TRAP1: variants seen among roughly 807,000 people sequenced by gnomAD.
TRAP1 encodes TNF receptor associated protein 1.
TRAP1 carries 102 observed loss-of-function variants against 89.1 expected under a neutral mutation model. That is an observed-to-expected ratio of 1.15 (90% CI 0.98 to 1.35). TRAP1 has a LOEUF of 1.35. Among genes scored for constraint, TRAP1 ranks in the 40% most tolerant of loss-of-function variants. TRAP1 has a pLI of 0.00. For synonymous variants in TRAP1, 508 were observed against 388.0 expected (o/e 1.31, Z -3.64); for missense variants, 1,256 against 945.3 (o/e 1.33, Z -4.31).
In TRAP1 at chr16:3,658,102, G is replaced by GTGTC. The variant is rs769947438; in HGVS notation, c.*23_*26dup. 6 of 1,611,076 alleles carry GTGTC rather than the reference G, an allele frequency of 3.7e-6. No individual in the cohort carries two copies. The highest frequency in any genetic ancestry group is 1.7e-4 in the Middle Eastern group (1 of 6,056). On this transcript the variant is annotated 3_prime_UTR_variant, in exon 18 of 18. Transcript: ENST00000246957. Reference sequence around the variant, plus strand: ...CAAGGAGGTGGGGCTGTCATCTGTGGTGTCAGTCCTTCTGGCCCCCTGGCT... The same window carrying GTGTC: ...CAAGGAGGTGGGGCTGTCATCTGTGGTGTCTGTCAGTCCTTCTGGCCCCCTGGCT...
intron 1 of TRAP1, among the ~76,000 whole-genome samples, chr16:3,693,697 G>C (rs369064815): frequency 6.6e-6 from 1 of 152,116 alleles, no homozygotes; most frequent in East Asian, 1.9e-4. Context: ...GTTTCAAAAA[G>C]GTCCACAGTT....
At chr16:3,699,099 T>C (rs2051330141) in intron 1 of TRAP1, among the ~76,000 whole-genome samples, 1 of 152,068 alleles carries the variant, frequency 6.6e-6, no homozygotes, top group Non-Finnish European at 1.5e-5. Flanking sequence ...ACTGATAGTT[T>C]GAATGTGACA....
At chr16:3,710,857 G>GTATA (rs377592883) in intron 1 of TRAP1, among the ~76,000 whole-genome samples, 45 of 135,656 alleles carry the variant, frequency 3.3e-4, no homozygotes, top group East Asian at 8.7e-4. Context: ...ATGTGTGTGT[G>GTATA]TATATATATA....
chr16:3,674,477 G>A lies in TRAP1; in HGVS notation c.906C>T (p.Asp302=), dbSNP rs1294365398. Residue 302 remains aspartate (D), a synonymous_variant, in exon 9 of 18, where the codon GAC becomes GAT. Transcript: ENST00000246957. ...GTTGCCACTCACGGACATCCTTGGG[G>A]TCCATCATCCAGATGGCCTGGAAAC... ...MNTLQAIWMM[D]PKDVREWQHE... 1 of 1,613,974 alleles carries A rather than the reference G, an allele frequency of 6.2e-7. No homozygotes were observed. The highest frequency in any genetic ancestry group is 8.5e-7 in the Non-Finnish European group (1 of 1,180,008).
chr16:3,716,550 A>T (rs1267440295), intron 1 of TRAP1, among the ~76,000 whole-genome samples: 1 of 152,240 alleles, frequency 6.6e-6, no homozygotes, highest in African/African-American at 2.4e-5. Flanking sequence ...CTGACATGAA[A>T]AGATGTGGAA....
chr16:3,690,888 C>G lies in TRAP1; in HGVS notation c.186G>C (p.Gln62His). ...SLQAGRLFST[Q>H]TAEDKEEPLH... Reference sequence around the variant, plus strand: ...GGGGTTCCTCCTTGTCCTCGGCGGTCTGCGTGCTGAACAGTCGTCCTGCCT... The same window carrying G: ...GGGGTTCCTCCTTGTCCTCGGCGGTGTGCGTGCTGAACAGTCGTCCTGCCT... The change falls in exon 2 of 18, where the codon CAG becomes CAC. Residue 62 changes from glutamine to histidine, a missense_variant. Physicochemically the swap from Gln to His is conservative, Grantham distance 24 (BLOSUM62 0). Coordinates refer to ENST00000246957, the MANE Select transcript of TRAP1 (RefSeq NM_016292.3). The G allele has an allele frequency of 1.3e-6, 2 of 1,590,240 alleles. No individual in the cohort carries two copies. Among genetic ancestry groups the G allele is most frequent in the Middle Eastern group, 1.7e-4 (1 of 5,990 alleles).
In TRAP1 at chr16:3,679,794, A is replaced by G. The variant is rs1287899205; in HGVS notation, c.472-4T>C. The G allele has an allele frequency of 6.2e-7, 1 of 1,614,008 alleles. No homozygotes were observed. The highest frequency in any genetic ancestry group is 8.5e-7 in the Non-Finnish European group (1 of 1,179,990). ...GTGTCATCCCGATACCAGTATCCTG[A>G]GGAGAGAGACGCACTAAGTGCCAAG... is the stretch of plus-strand genomic sequence containing the variant. On this transcript the variant is annotated splice_polypyrimidine_tract_variant and splice_region_variant and intron_variant, in intron 4 of 17. Transcript: ENST00000246957.
At chr16:3,705,910 C>T (rs2051437253) in intron 1 of TRAP1, among the ~76,000 whole-genome samples, 1 of 151,656 alleles carries the variant, frequency 6.6e-6, no homozygotes, top group African/African-American at 2.4e-5. Context: ...TCAGGCTGGT[C>T]TCAAACTCCT....
intron 1 of TRAP1, among the ~76,000 whole-genome samples, chr16:3,707,762 G>A (rs917254191): frequency 2.6e-5 from 4 of 151,356 alleles, no homozygotes; most frequent in Admixed American, 1.3e-4. Flanking sequence ...GCTGAGGCAG[G>A]AGACTTGCTT....
chr16:3,665,733 C>T (rs1209961885), intron 12 of TRAP1, among the ~76,000 whole-genome samples: 4 of 152,226 alleles, frequency 2.6e-5, no homozygotes, highest in Non-Finnish European at 5.9e-5. Flanking sequence ...CTTCACACAG[C>T]AGTGAGGCTG....
At chr16:3,707,013 C>T (rs1425565697) in intron 1 of TRAP1, among the ~76,000 whole-genome samples, 1 of 151,982 alleles carries the variant, frequency 6.6e-6, no homozygotes, top group Non-Finnish European at 1.5e-5. Flanking sequence ...TCTGATTTTT[C>T]CACATCCTAG....
rs2050779027 is a variant in TRAP1, at chr16:3,664,445, C to T, written c.1398G>A (p.Lys466=). 1 of 1,611,110 alleles carries T rather than the reference C, an allele frequency of 6.2e-7. No individual in the cohort carries two copies. Among genetic ancestry groups the T allele is most frequent in the Non-Finnish European group, 8.5e-7 (1 of 1,178,946 alleles). The change falls in exon 13 of 18, where the codon AAG becomes AAA. Residue 466 remains lysine (K), a synonymous_variant. Transcript: ENST00000246957. ...GCGCCGAGGACTCGTAGCGCAGCAG[C>T]TTTGCTATGTCCTCCTAGAAGGGAC... ...TEQEVKEDIA[K]LLRYESSALP...
At chr16:3,661,963 G>A in intron 16 of TRAP1, 24 bp downstream of exon 16, 1 of 1,574,884 alleles carries the variant, frequency 6.3e-7, no homozygotes, top group Non-Finnish European at 8.6e-7. Context: ...CCACAGGCTG[G>A]AAGAGCCAGG....
At chr16:3,700,610 T>G (rs2051352587) in intron 1 of TRAP1, among the ~76,000 whole-genome samples, 1 of 152,044 alleles carries the variant, frequency 6.6e-6, no homozygotes, top group African/African-American at 2.4e-5. Context: ...GGACTACAGA[T>G]GCACATCACC....
At chr16:3,691,781 T>TA (rs1219577689) in intron 1 of TRAP1, among the ~76,000 whole-genome samples, 6 of 152,124 alleles carry the variant, frequency 3.9e-5, no homozygotes, top group Admixed American at 6.6e-5. Context: ...ACAGATTTTT[T>TA]AAAAAAAATT....
At chr16:3,693,996 G>A (rs1428652716) in intron 1 of TRAP1, among the ~76,000 whole-genome samples, 2 of 67,894 alleles carry the variant, frequency 2.9e-5, no homozygotes, top group African/African-American at 9.8e-5. Flanking sequence ...GCGAGACTCT[G>A]TCTCAAAAAA....
intron 4 of TRAP1, among the ~76,000 whole-genome samples, chr16:3,684,074 G>A (rs888153068): frequency 1.3e-5 from 2 of 152,070 alleles, no homozygotes; most frequent in African/African-American, 4.8e-5. Flanking sequence ...GCTGAGGCAG[G>A]AGAATCACTT....
chr16:3,706,804 G>C (rs1041326917), intron 1 of TRAP1, among the ~76,000 whole-genome samples: 1 of 152,034 alleles, frequency 6.6e-6, no homozygotes, highest in Non-Finnish European at 1.5e-5. Flanking sequence ...TTTCATTTTC[G>C]GGTTATTATG....
intron 1 of TRAP1, among the ~76,000 whole-genome samples, chr16:3,705,291 G>T (rs766155183): frequency 3.9e-5 from 6 of 151,988 alleles, no homozygotes; most frequent in African/African-American, 1.2e-4. Context: ...GGATGGTCTC[G>T]ATCTCCTGAC....
Sources: gnomAD v4.1 joint callset for allele counts (sites outside exome capture counted in the v4.1 genomes callset) on GRCh38, gnomAD v4.1.1 for gene constraint, MANE v1.5 for transcripts, NCBI Gene and HGNC (gene_info 2026-07-23, HGNC 2026-07-21) for gene names.